Variants in ITPR1 observed in about 807,000 individuals in gnomAD.
The protein encoded by ITPR1 is inositol 1,4,5-trisphosphate-gated calcium channel ITPR1.
ITPR1 carries 96 observed loss-of-function variants against 318.4 expected under a neutral mutation model. The observed-to-expected ratio is 0.30, with a 90% CI of 0.26 to 0.36. The LOEUF is 0.36. ITPR1 is among the 10% of genes least tolerant of loss of function. The probability of loss-of-function intolerance (pLI) is 1.00; values close to 1 mark genes in which losing one functional copy is unlikely to be tolerated. For synonymous variants in ITPR1, 1,312 were observed against 1,289.9 expected, an observed-to-expected ratio of 1.02 and a Z score of -0.37; for missense variants, 2,440 against 3,460.2, an observed-to-expected ratio of 0.71 and a Z score of 7.40.
intron 3 of ITPR1, 87 bp downstream of exon 3, chr3:4,516,670 C>T (rs985976883): frequency 1.1e-5 from 9 of 848,842 alleles, no homozygotes; most frequent in African/African-American, 7.0e-5. Flanking sequence ...AACATAAGAA[C>T]GTCACCGTTT....
rs80006403 is a variant in ITPR1, at chr3:4,773,252, G to C, written c.5980-1990G>C. Among the ~76,000 whole-genome samples, 354 of 152,316 alleles carry C rather than the reference G, an allele frequency of 2.3e-3. 1 individual carries two copies. Among genetic ancestry groups the C allele is most frequent in the African/African-American group, 7.6e-3 (318 of 41,574 alleles). ...AGGAGTCATTCAGGGTGGAGGCCTC[G>C]AGAGCAACAGGCAGAGGGCATTGCC... On this transcript the variant is annotated intron_variant, in intron 46 of 61. Transcript: ENST00000649015.
intron 23 of ITPR1, among the ~76,000 whole-genome samples, chr3:4,675,628 A>G (rs995970129): frequency 3.9e-5 from 6 of 152,308 alleles, no homozygotes; most frequent in East Asian, 1.9e-4. Flanking sequence ...TGTTCTTGAC[A>G]TTCGTGAGAC....
chr3:4,638,323 A>G (rs149631865), intron 5 of ITPR1, among the ~76,000 whole-genome samples: 2 of 152,272 alleles, frequency 1.3e-5, no homozygotes, highest in Admixed American at 6.5e-5. Flanking sequence ...TCACCAGTCT[A>G]TGTTTGGGAG....
chr3:4,770,402 C>T (rs1275335704), intron 46 of ITPR1, among the ~76,000 whole-genome samples: 1 of 152,214 alleles, frequency 6.6e-6, no homozygotes, highest in Non-Finnish European at 1.5e-5. Context: ...TTTGAATTTT[C>T]AATCAGATTG....
intron 4 of ITPR1, among the ~76,000 whole-genome samples, chr3:4,535,426 CTT>C (rs995497312): frequency 6.2e-5 from 7 of 112,266 alleles, no homozygotes; most frequent in South Asian, 2.9e-4. Context: ...AAATTATTTT[CTT>C]TTTTTTTTTT....
chr3:4,512,437 G>T (rs2081906311), intron 2 of ITPR1, among the ~76,000 whole-genome samples: 1 of 152,176 alleles, frequency 6.6e-6, no homozygotes, highest in African/African-American at 2.4e-5. Flanking sequence ...TTTTTTGAAA[G>T]GTTAGAATGC....
chr3:4,678,662 T>C (rs1384049591), intron 24 of ITPR1, among the ~76,000 whole-genome samples: 1 of 152,024 alleles, frequency 6.6e-6, no homozygotes, highest in East Asian at 1.9e-4. Context: ...GGGAGTGGGG[T>C]CATGTGACTC....
chr3:4,672,518 T>C (rs1364310279), intron 20 of ITPR1, among the ~76,000 whole-genome samples: 1 of 152,232 alleles, frequency 6.6e-6, no homozygotes, highest in Non-Finnish European at 1.5e-5. Context: ...TTTCAGTGTT[T>C]GATGAATCTT....
chr3:4,649,925 A>G (rs751181821), intron 10 of ITPR1, among the ~76,000 whole-genome samples: 3 of 152,198 alleles, frequency 2.0e-5, no homozygotes, highest in Non-Finnish European at 4.4e-5. Flanking sequence ...GGTGAAGTAT[A>G]ACGTAAACGA....
chr3:4,739,537 G>C (rs117434043), intron 44 of ITPR1, among the ~76,000 whole-genome samples: 3 of 152,130 alleles, frequency 2.0e-5, no homozygotes, highest in Non-Finnish European at 4.4e-5. Flanking sequence ...TTTAGGGAAC[G>C]CTGGGCACAG....
intron 22 of ITPR1, 77 bp downstream of exon 22, chr3:4,674,420 T>C (rs1327310630): frequency 2.4e-6 from 3 of 1,245,562 alleles, no homozygotes; most frequent in African/African-American, 3.1e-5. Flanking sequence ...ATAGAAAATA[T>C]GTGAGTAGGT....
intron 4 of ITPR1, among the ~76,000 whole-genome samples, chr3:4,577,153 A>T (rs1415464182): frequency 1.3e-5 from 2 of 152,078 alleles, no homozygotes; most frequent in African/African-American, 4.8e-5. Flanking sequence ...TACTGAATAC[A>T]CTTTTATTGA....
chr3:4,611,057 CCCTT>C (rs1356384689), intron 4 of ITPR1, among the ~76,000 whole-genome samples: 3 of 88,324 alleles, frequency 3.4e-5, no homozygotes, highest in African/African-American at 1.1e-4. Flanking sequence ...CTCCCTCCCT[CCCTT>C]CCTTCCTTCC....
intron 44 of ITPR1, among the ~76,000 whole-genome samples, chr3:4,759,875 C>A (rs1559846900): frequency 6.6e-6 from 1 of 152,214 alleles, no homozygotes; most frequent in African/African-American, 2.4e-5. Context: ...CCCTTTCCCC[C>A]TGTCCAGTGG....
At chr3:4,806,299 T>C in intron 55 of ITPR1, 32 bp downstream of exon 55, 1 of 1,599,282 alleles carries the variant, frequency 6.3e-7, no homozygotes, top group Non-Finnish European at 8.6e-7. Flanking sequence ...ATTTTATGTG[T>C]GGGGAAACTA....
intron 5 of ITPR1, among the ~76,000 whole-genome samples, chr3:4,638,248 T>C (rs1291082268): frequency 6.6e-6 from 1 of 152,224 alleles, no homozygotes; most frequent in Non-Finnish European, 1.5e-5. Context: ...AACACTCTTA[T>C]CATCAGGGTT....
intron 4 of ITPR1, among the ~76,000 whole-genome samples, chr3:4,605,949 G>T (rs1353590184): frequency 1.3e-5 from 2 of 151,990 alleles, no homozygotes; most frequent in Non-Finnish European, 2.9e-5. Flanking sequence ...GGGATCGTGG[G>T]GAGGAAAAAT....
chr3:4,787,537 G>A (rs1425327069), intron 51 of ITPR1, among the ~76,000 whole-genome samples: 11 of 130,370 alleles, frequency 8.4e-5, no homozygotes, highest in South Asian at 5.1e-4. Context: ...AATACTGGAG[G>A]AAAAAAAAAA....
Position 4,710,408 on chromosome 3 carries a change from C to T in ITPR1, c.4926C>T (p.Pro1642=), listed in dbSNP as rs886058616. ...TGCTCGTGGATGTTCTCCACAGACCCGAGCTGCTTTTCCCAGAGAACACAG... is the reference window on the plus strand; with the variant it reads ...TGCTCGTGGATGTTCTCCACAGACCTGAGCTGCTTTTCCCAGAGAACACAG... The part of the protein sequence containing the change: ...LSVLVDVLHR[P]ELLFPENTDA... The change falls in exon 38 of 62, where the codon CCC becomes CCT. Residue 1642 remains proline, a synonymous_variant. Transcript: ENST00000649015. This position sits in a 1 kb window ranked among gnomAD's most constrained non-coding sequence, Gnocchi z 4.2. The T allele has an allele frequency of 2.2e-5, 34 of 1,557,870 alleles. No individual in the cohort carries two copies. In the East Asian group the frequency reaches 2.6e-4, roughly 12 times the overall value.
Sources: gnomAD v4.1 joint callset for allele counts (sites outside exome capture counted in the v4.1 genomes callset) on GRCh38, gnomAD v4.1.1 for gene constraint, Gnocchi (gnomAD v3.1) non-coding constraint, MANE v1.5 for transcripts, NCBI Gene and HGNC (gene_info 2026-07-23, HGNC 2026-07-21) for gene names.